Variants in SH3GL3 observed in about 807,000 individuals in gnomAD.
SH3GL3 encodes the protein endophilin-A3.
Under a neutral mutation model 47.7 loss-of-function variants are expected in SH3GL3, and 33 were observed. The observed-to-expected ratio is 0.69, with a 90% confidence interval of 0.52 to 0.92. The LOEUF (loss-of-function observed/expected upper bound fraction) is 0.92. Ranked by LOEUF, SH3GL3 falls within the 40% of genes least tolerant of loss-of-function variation. SH3GL3 has a pLI of 0.00. For synonymous variants in SH3GL3, 155 were observed against 148.8 expected, an observed-to-expected ratio of 1.04 and a Z score of -0.30; for missense variants, 363 against 417.8, an observed-to-expected ratio of 0.87 and a Z score of 1.14.
chr15:83,585,201 G>T (rs2059925058), intron 6 of SH3GL3, among the ~76,000 whole-genome samples: 1 of 151,936 alleles, frequency 6.6e-6, no homozygotes, highest in East Asian at 1.9e-4. Flanking sequence ...ATTGGGCAGT[G>T]CTGCCATTGT....
intron 1 of SH3GL3, among the ~76,000 whole-genome samples, chr15:83,554,880 G>A (rs2044864399): frequency 6.6e-6 from 1 of 152,152 alleles, no homozygotes; most frequent in African/African-American, 2.4e-5. Context: ...CATGGTACTT[G>A]AGTGTGCTTC....
chr15:83,450,753 A>ATTTT (rs1198458829), intron 1 of SH3GL3, among the ~76,000 whole-genome samples: 9 of 25,474 alleles, frequency 3.5e-4, no homozygotes, highest in African/African-American at 4.8e-4. Context: ...AAAATGGGAT[A>ATTTT]TTTTTCTTTT....
rs2039571681 is a variant in SH3GL3, at chr15:83,448,585, G to A, written c.45+1007G>A. On this transcript the variant is annotated intron_variant, in intron 1 of 8. Transcript: ENST00000427482. The surrounding 1 kb of genome is among the most constrained non-coding windows in gnomAD (Gnocchi z 4.2). ...GTTCCCCACCAGCACCGCTGGGTCT[G>A]TTGCTTCTCACCACCTCTCCCCGCA... 6.6e-6 allele frequency among the ~76,000 whole-genome samples: 1 copy of A among 151,988 alleles called. No homozygotes were observed. The highest frequency in any genetic ancestry group is 1.5e-5 in the Non-Finnish European group (1 of 68,018).
chr15:83,488,706 A>G (rs999627534), intron 1 of SH3GL3, among the ~76,000 whole-genome samples: 1 of 152,204 alleles, frequency 6.6e-6, no homozygotes, highest in African/African-American at 2.4e-5. Flanking sequence ...CATGTGGCAC[A>G]GTTGTCACCC....
intron 1 of SH3GL3, among the ~76,000 whole-genome samples, chr15:83,479,738 G>A (rs915583417): frequency 2.6e-5 from 4 of 152,178 alleles, no homozygotes; most frequent in Non-Finnish European, 4.4e-5. Flanking sequence ...TTGTAGAATT[G>A]AGTCCTCGGG....
chr15:83,559,468 C>T, intron 2 of SH3GL3, 147 bp downstream of exon 2: 1 of 593,902 alleles, frequency 1.7e-6, no homozygotes, highest in Non-Finnish European at 3.1e-6. Context: ...AGTACTTTCC[C>T]ACGTCCCAGC....
At chr15:83,591,421 A>G (rs1243212279) in intron 8 of SH3GL3, among the ~76,000 whole-genome samples, 1 of 151,418 alleles carries the variant, frequency 6.6e-6, no homozygotes, top group Non-Finnish European at 1.5e-5. Context: ...CACATTGCTC[A>G]TATAAGCTGC....
At chr15:83,612,684 C>CT (rs1254407424) in intron 8 of SH3GL3, among the ~76,000 whole-genome samples, 1 of 152,156 alleles carries the variant, frequency 6.6e-6, no homozygotes. Context: ...TTTCAATTTT[C>CT]TTGCTCACCC....
intron 8 of SH3GL3, among the ~76,000 whole-genome samples, chr15:83,605,507 A>G (rs2060491818): frequency 6.8e-6 from 1 of 146,438 alleles, no homozygotes; most frequent in Non-Finnish European, 1.5e-5. Context: ...AGACTCTGCC[A>G]GAAATGAATT....
chr15:83,550,608 T>C (rs2044614279), intron 1 of SH3GL3, among the ~76,000 whole-genome samples: 1 of 152,186 alleles, frequency 6.6e-6, no homozygotes, highest in African/African-American at 2.4e-5. Context: ...CAGGCTGGTC[T>C]CAAACTCCTG....
chr15:83,567,565 T>C (rs750587687), intron 3 of SH3GL3, among the ~76,000 whole-genome samples: 4 of 152,120 alleles, frequency 2.6e-5, no homozygotes, highest in Non-Finnish European at 4.4e-5. Context: ...AGCTGCACCT[T>C]GGGACCAGCC....
chr15:83,507,198 C>T lies in SH3GL3; in HGVS notation c.46-52055C>T, dbSNP rs539132549. On this transcript the variant is annotated intron_variant, in intron 1 of 8. Transcript: ENST00000427482. ...TTTTTTTGTATTTTTTTAGTAGAGA[C>T]AGGGTTTCACCGTGTTAACCAGGAT... Among the ~76,000 whole-genome samples, 20 of 151,828 alleles carry T rather than the reference C, an allele frequency of 1.3e-4. No individual in the cohort carries two copies. The East Asian group carries it at 3.9e-3, about 30-fold the overall frequency.
At chr15:83,583,021 A>G (rs986782033) in intron 6 of SH3GL3, among the ~76,000 whole-genome samples, 2 of 152,214 alleles carry the variant, frequency 1.3e-5, no homozygotes, top group African/African-American at 4.8e-5. Context: ...GAGGAATCCA[A>G]AAAGAGTAGA....
At chr15:83,560,293 C>T (rs556575545) in intron 2 of SH3GL3, among the ~76,000 whole-genome samples, 3 of 152,232 alleles carry the variant, frequency 2.0e-5, no homozygotes, top group South Asian at 2.1e-4. Flanking sequence ...TTGGCTCTGG[C>T]CAGCTCATCT....
At chr15:83,571,103 G>C (rs959845598) in intron 4 of SH3GL3, among the ~76,000 whole-genome samples, 3 of 152,172 alleles carry the variant, frequency 2.0e-5, no homozygotes, top group Non-Finnish European at 4.4e-5. Flanking sequence ...CTTTTGGGGG[G>C]CCACATACTG....
At chr15:83,622,662 T>C (rs1596365508), downstream of SH3GL3, among the ~76,000 whole-genome samples, 1 of 152,240 alleles carries the variant, frequency 6.6e-6, no homozygotes, top group East Asian at 1.9e-4. Flanking sequence ...TGTACAGTGT[T>C]TCTTCCCTGG....
In SH3GL3 at chr15:83,503,572, G is replaced by A. The variant is rs556522279; in HGVS notation, c.46-55681G>A. The stretch of plus-strand genomic sequence containing the variant: ...CACCTAAGCCTCAACAACCTTACGG[G>A]GTAGGTATTTTGTTCTCCCCCAGTT... On this transcript the variant is annotated intron_variant, in intron 1 of 8. Coordinates refer to ENST00000427482, the MANE Select transcript of SH3GL3 (RefSeq NM_003027.5). Among the ~76,000 whole-genome samples, 11 of 152,246 alleles carry A rather than the reference G, an allele frequency of 7.2e-5. No homozygotes were observed. The South Asian group carries it at 2.3e-3, about 32-fold the overall frequency.
chr15:83,584,938 A>T (rs1339017022), intron 6 of SH3GL3, among the ~76,000 whole-genome samples: 1 of 152,116 alleles, frequency 6.6e-6, no homozygotes, highest in Admixed American at 6.5e-5. Context: ...TTGTTGCTTT[A>T]TCTTGGTTCT....
intron 1 of SH3GL3, among the ~76,000 whole-genome samples, chr15:83,478,513 C>G (rs1001760009): frequency 1.3e-5 from 2 of 152,196 alleles, no homozygotes; most frequent in African/African-American, 4.8e-5. Flanking sequence ...TTATTTGGCT[C>G]AATTCTAACT....
Sources: gnomAD v4.1 joint callset for allele counts (sites outside exome capture counted in the v4.1 genomes callset) on GRCh38, gnomAD v4.1.1 for gene constraint, Gnocchi (gnomAD v3.1) non-coding constraint, MANE v1.5 for transcripts, NCBI Gene and HGNC (gene_info 2026-07-23, HGNC 2026-07-21) for gene names.